The following CSMD1 variants were observed in gnomAD, a reference collection of about 807,000 sequenced individuals.
The protein encoded by CSMD1 is CUB and sushi domain-containing protein 1.
Under a neutral mutation model 417.5 loss-of-function variants are expected in CSMD1, and 213 were observed. The observed-to-expected ratio is 0.51, with a 90% confidence interval of 0.46 to 0.57. The LOEUF is 0.57. Among genes scored for constraint, CSMD1 ranks in the 20% least tolerant of loss-of-function variants. The pLI is 0.00. For synonymous variants in CSMD1, 2,862 were observed against 1,736.8 expected, an observed-to-expected ratio of 1.65 and a Z score of -16.11; for missense variants, 6,923 against 4,529.7, an observed-to-expected ratio of 1.53 and a Z score of -15.17.
intron 5 of CSMD1, among the ~76,000 whole-genome samples, chr8:3,952,525 AG>A (rs776390813): frequency 6.6e-6 from 1 of 152,180 alleles, no homozygotes; most frequent in Non-Finnish European, 1.5e-5. Flanking sequence ...AACCTCCTTC[AG>A]GTTTGGAAAA....
chr8:4,496,630 C>A (rs1055746976), intron 2 of CSMD1, among the ~76,000 whole-genome samples: 1 of 152,158 alleles, frequency 6.6e-6, no homozygotes, highest in South Asian at 2.1e-4. Flanking sequence ...TTCCTCCTCT[C>A]CCTGTCTCAT....
chr8:3,761,385 A>C (rs1227928189), intron 5 of CSMD1, among the ~76,000 whole-genome samples: 1 of 152,152 alleles, frequency 6.6e-6, no homozygotes, highest in Admixed American at 6.6e-5. Flanking sequence ...CGTATATACT[A>C]TCTGGGGAAA....
intron 3 of CSMD1, among the ~76,000 whole-genome samples, chr8:4,340,719 C>G (rs375220088): frequency 6.6e-6 from 1 of 151,960 alleles, no homozygotes; most frequent in African/African-American, 2.4e-5. Flanking sequence ...AATATCAGCA[C>G]GTGGAACAAA....
At chr8:3,770,774 A>C (rs529768150) in intron 5 of CSMD1, among the ~76,000 whole-genome samples, 1 of 152,154 alleles carries the variant, frequency 6.6e-6, no homozygotes, top group African/African-American at 2.4e-5. Context: ...ACCCATACTT[A>C]ATTGCAGTTT....
intron 41 of CSMD1, among the ~76,000 whole-genome samples, chr8:3,140,452 A>G (rs1386865563): frequency 2.0e-5 from 3 of 152,206 alleles, no homozygotes; most frequent in African/African-American, 7.2e-5. Context: ...GAACACAGAA[A>G]GAGTGTTTCA....
At chr8:4,345,261 A>G (rs1377466942) in intron 3 of CSMD1, among the ~76,000 whole-genome samples, 2 of 152,178 alleles carry the variant, frequency 1.3e-5, no homozygotes, top group African/African-American at 2.4e-5. Flanking sequence ...TGAAAATTAG[A>G]TAGGAACTTA....
intron 3 of CSMD1, among the ~76,000 whole-genome samples, chr8:4,392,752 G>C (rs1007939687): frequency 1.3e-5 from 2 of 151,406 alleles, no homozygotes; most frequent in Admixed American, 6.6e-5. Flanking sequence ...GGCGGATCAC[G>C]AGGTCAAGAG....
intron 5 of CSMD1, among the ~76,000 whole-genome samples, chr8:3,787,946 T>TG (rs1305089905): frequency 1.3e-5 from 2 of 152,166 alleles, no homozygotes; most frequent in Non-Finnish European, 2.9e-5. Context: ...TGGGCAGAAA[T>TG]CCTTGCATGG....
At chr8:4,103,345 G>A (rs1193812470) in intron 3 of CSMD1, among the ~76,000 whole-genome samples, 1 of 151,360 alleles carries the variant, frequency 6.6e-6, no homozygotes, top group Non-Finnish European at 1.5e-5. Context: ...GTAGAAAAAA[G>A]TTGGTTTTGA....
At chr8:4,421,453 T>C (rs1236991) in intron 2 of CSMD1, among the ~76,000 whole-genome samples, 2,906 of 152,142 alleles carry the variant, frequency 0.019, 84 homozygotes, top group African/African-American at 0.066. Flanking sequence ...AACCTCAAAC[T>C]ATATAAAATA....
intron 4 of CSMD1, among the ~76,000 whole-genome samples, chr8:4,006,662 C>A (rs894876855): frequency 6.6e-6 from 1 of 152,124 alleles, no homozygotes; most frequent in Non-Finnish European, 1.5e-5. Context: ...TTGTTTATGT[C>A]CTTTTCCTTT....
chr8:4,154,052 C>T (rs1370634404), intron 3 of CSMD1, among the ~76,000 whole-genome samples: 4 of 152,216 alleles, frequency 2.6e-5, no homozygotes, highest in Non-Finnish European at 4.4e-5. Context: ...ATTTGTTTTC[C>T]TAAGGAGGTA....
intron 1 of CSMD1, among the ~76,000 whole-genome samples, chr8:4,816,240 A>C (rs1177374097): frequency 1.3e-5 from 2 of 151,878 alleles, no homozygotes; most frequent in African/African-American, 4.8e-5. Flanking sequence ...TTTGGAGTGC[A>C]GTAGTGCAAT....
chr8:4,368,514 C>G (rs947434989), intron 3 of CSMD1, among the ~76,000 whole-genome samples: 1 of 152,128 alleles, frequency 6.6e-6, no homozygotes, highest in Non-Finnish European at 1.5e-5. Context: ...GTCCCTCTTT[C>G]TCAAATTTTT....
At chr8:3,768,000 T>A (rs1177098195) in intron 5 of CSMD1, among the ~76,000 whole-genome samples, 1 of 152,220 alleles carries the variant, frequency 6.6e-6, no homozygotes, top group Non-Finnish European at 1.5e-5. Flanking sequence ...GTCTTTGCAG[T>A]TCCAAACTCC....
At chr8:3,308,956 T>C (rs1243047994) in intron 23 of CSMD1, among the ~76,000 whole-genome samples, 1 of 151,984 alleles carries the variant, frequency 6.6e-6, no homozygotes, top group Non-Finnish European at 1.5e-5. Flanking sequence ...AATACCTGAC[T>C]TCAGGCAATC....
At chr8:3,415,247 T>A (rs1173096810) in intron 12 of CSMD1, among the ~76,000 whole-genome samples, 1 of 152,010 alleles carries the variant, frequency 6.6e-6, no homozygotes, top group Non-Finnish European at 1.5e-5. Context: ...CTTACATACT[T>A]CTGATTTTTT....
chr8:2,998,958 T>C (rs1807151816), intron 53 of CSMD1, among the ~76,000 whole-genome samples: 1 of 152,226 alleles, frequency 6.6e-6, no homozygotes, highest in South Asian at 2.1e-4. Flanking sequence ...GTCACTGTTT[T>C]ATCCACATTT....
intron 1 of CSMD1, among the ~76,000 whole-genome samples, chr8:4,782,129 G>C (rs1797180655): frequency 6.6e-6 from 1 of 152,158 alleles, no homozygotes; most frequent in African/African-American, 2.4e-5. Flanking sequence ...GAGGAGGAAG[G>C]GGAGAGAGGT....
Sources: gnomAD v4.1 joint callset for allele counts (sites outside exome capture counted in the v4.1 genomes callset) on GRCh38, gnomAD v4.1.1 for gene constraint, MANE v1.5 for transcripts, NCBI Gene and HGNC (gene_info 2026-07-23, HGNC 2026-07-21) for gene names.